Variants in CDKAL1 observed in about 807,000 individuals in gnomAD.
The protein encoded by CDKAL1 is CDKAL1 threonylcarbamoyladenosine tRNA methylthiotransferase.
In CDKAL1, 32 loss-of-function variants were observed where a neutral mutation model predicts 68.2. The observed-to-expected ratio is 0.47, with a 90% CI of 0.35 to 0.63. The LOEUF (loss-of-function observed/expected upper bound fraction) is 0.63. Among genes scored for constraint, CDKAL1 ranks in the 30% least tolerant of loss-of-function variants. The probability of loss-of-function intolerance (pLI) is 0.00; values close to 1 mark genes in which losing one functional copy is unlikely to be tolerated. For synonymous variants in CDKAL1, 234 were observed against 244.3 expected (o/e 0.96, Z 0.39); for missense variants, 606 against 696.7 (o/e 0.87, Z 1.47).
At chr6:21,122,582 T>C (rs2151010159) in intron 13 of CDKAL1, among the ~76,000 whole-genome samples, 1 of 152,120 alleles carries the variant, frequency 6.6e-6, no homozygotes, top group African/African-American at 2.4e-5. Flanking sequence ...GTTTTCAACC[T>C]TTGAGAATGT....
intron 13 of CDKAL1, among the ~76,000 whole-genome samples, chr6:21,135,064 G>A (rs1048623092): frequency 1.3e-5 from 2 of 152,130 alleles, no homozygotes; most frequent in Non-Finnish European, 2.9e-5. Flanking sequence ...TACTGATGTA[G>A]TTCTAGGAAT....
At chr6:20,799,069 T>TTTTTTTA (rs70990069) in intron 8 of CDKAL1, among the ~76,000 whole-genome samples, 4 of 140,310 alleles carry the variant, frequency 2.9e-5, no homozygotes, top group Non-Finnish European at 6.1e-5. Flanking sequence ...TTTTTTTTTT[T>TTTTTTTA]GAGACGGAGT....
At chr6:20,931,022 C>T (rs999303343) in intron 9 of CDKAL1, among the ~76,000 whole-genome samples, 2 of 152,116 alleles carry the variant, frequency 1.3e-5, no homozygotes, top group Non-Finnish European at 2.9e-5. Context: ...GGATTACAGG[C>T]GTGAGCCACC....
intron 6 of CDKAL1, among the ~76,000 whole-genome samples, chr6:20,745,229 G>A (rs537695563): frequency 6.6e-6 from 1 of 152,272 alleles, no homozygotes; most frequent in South Asian, 2.1e-4. Flanking sequence ...TTTCAAATGC[G>A]AGCACTTTAA....
At chr6:20,716,705 G>A (rs1388615791) in intron 5 of CDKAL1, among the ~76,000 whole-genome samples, 1 of 151,752 alleles carries the variant, frequency 6.6e-6, no homozygotes, top group Admixed American at 6.6e-5. Context: ...GGAATGAGAA[G>A]TCAAGAAGAA....
chr6:21,128,840 A>G (rs1028584088), intron 13 of CDKAL1, among the ~76,000 whole-genome samples: 2 of 152,200 alleles, frequency 1.3e-5, no homozygotes, highest in African/African-American at 4.8e-5. Context: ...TATTCCATCA[A>G]TCTTTCTGTT....
At chr6:20,991,952 A>G (rs1330153479) in intron 10 of CDKAL1, among the ~76,000 whole-genome samples, 15 of 150,738 alleles carry the variant, frequency 1.0e-4, no homozygotes, top group Non-Finnish European at 1.8e-4. Context: ...ATTATCATTA[A>G]TAGTCACATT....
Position 20,613,249 on chromosome 6 carries a change from C to CTTTTTTTTTTTTTTTTTTTT in CDKAL1, c.287-36020_287-36001dup, listed in dbSNP as rs71559677. ...TATCAGTTCATCACAAAATTTCTTT[C>CTTTTTTTTTTTTTTTTTTTT]TTTTTTTTTTTTTTTTTTTTTTTTT... On this transcript the variant is annotated intron_variant, in intron 4 of 15. Coordinates refer to ENST00000274695, the MANE Select transcript of CDKAL1 (RefSeq NM_017774.3). Among the ~76,000 whole-genome samples, 4 of 77,862 alleles carry CTTTTTTTTTTTTTTTTTTTT rather than the reference C, an allele frequency of 5.1e-5. 2 individuals are homozygous for CTTTTTTTTTTTTTTTTTTTT. The highest frequency in any genetic ancestry group is 9.8e-5 in the Non-Finnish European group (4 of 40,834). 51.1% of individuals were successfully genotyped at this position (77,862 alleles called of 152,430 possible). A position where few individuals can be genotyped will look rare whatever the true frequency, so the allele number is the denominator to read the frequency against.
rs75705389 is a variant in CDKAL1 at position 20,678,533 on chromosome 6, A to G, written c.371+29156A>G. ...TAAGGCTTCACTTAATGTCCTGGAT[A>G]GATTCTTGGAAACACAGTTTTAAGT... On this transcript the variant is annotated intron_variant, in intron 5 of 15. Coordinates refer to ENST00000274695, the MANE Select transcript of CDKAL1 (RefSeq NM_017774.3). 1.9e-3 allele frequency among the ~76,000 whole-genome samples: 296 copies of G among 152,316 alleles called. 1 individual carries two copies. Among genetic ancestry groups the G allele is most frequent in the African/African-American group, 6.8e-3 (281 of 41,570 alleles).
At chr6:21,197,870 G>A (rs1003517243) in intron 13 of CDKAL1, 151 bp from the exon 14 acceptor site, 7 of 437,934 alleles carry the variant, frequency 1.6e-5, no homozygotes, top group African/African-American at 4.1e-5. Flanking sequence ...AACAGGGTTC[G>A]CTGTTAAATA....
chr6:20,836,581 G>A (rs985505774), intron 8 of CDKAL1, among the ~76,000 whole-genome samples: 5 of 152,070 alleles, frequency 3.3e-5, no homozygotes, highest in Non-Finnish European at 7.4e-5. Context: ...GTTCTTTAAT[G>A]TTCTTATTTA....
chr6:21,036,239 T>C (rs1202713205), intron 11 of CDKAL1, among the ~76,000 whole-genome samples: 1 of 152,158 alleles, frequency 6.6e-6, no homozygotes, highest in Non-Finnish European at 1.5e-5. Flanking sequence ...TTCATGTAAC[T>C]TCAGGTTGAA....
intron 9 of CDKAL1, among the ~76,000 whole-genome samples, chr6:20,887,788 AGTT>A (rs1479788826): frequency 1.4e-5 from 2 of 147,940 alleles, no homozygotes; most frequent in African/African-American, 2.5e-5. Flanking sequence ...CTTTTTTTGT[AGTT>A]GTTGTTTTAA....
intron 13 of CDKAL1, among the ~76,000 whole-genome samples, chr6:21,135,441 G>A (rs1293741175): frequency 6.6e-6 from 1 of 152,108 alleles, no homozygotes. Context: ...GAGTATGCAG[G>A]ATGATAGGTT....
rs1307228981 is a variant in CDKAL1 at position 21,201,035 on chromosome 6, T to C, written c.1384-75T>C. 84 of 1,344,022 alleles carry C rather than the reference T, an allele frequency of 6.2e-5. 1 individual carries two copies. The South Asian group carries it at 1.2e-3, about 19-fold the overall frequency. 83.3% of individuals were successfully genotyped at this position (1,344,022 alleles called of 1,614,324 possible). The stretch of plus-strand genomic sequence containing the variant: ...CTCTCCATACTATCTTTGCAATAAT[T>C]CTATAAATCTGAAACTGTTCTAAAG... On this transcript the variant is annotated intron_variant, in intron 14 of 15. Coordinates refer to ENST00000274695, the MANE Select transcript of CDKAL1 (RefSeq NM_017774.3).
At chr6:20,808,191 C>A (rs1443714826) in intron 8 of CDKAL1, among the ~76,000 whole-genome samples, 1 of 151,590 alleles carries the variant, frequency 6.6e-6, no homozygotes, top group Non-Finnish European at 1.5e-5. Flanking sequence ...ACCTTTGAAC[C>A]CAAATTAAGT....
At chr6:21,185,120 T>C (rs1442188084) in intron 13 of CDKAL1, among the ~76,000 whole-genome samples, 1 of 152,114 alleles carries the variant, frequency 6.6e-6, no homozygotes, top group Non-Finnish European at 1.5e-5. Flanking sequence ...CAGTGGTTCC[T>C]ATCTACATCT....
In CDKAL1 at chr6:20,960,887, T is replaced by C. The variant is rs537882740; in HGVS notation, c.909+5302T>C. Among the ~76,000 whole-genome samples, 14 of 152,352 alleles carry C rather than the reference T, an allele frequency of 9.2e-5. 1 individual carries two copies. The East Asian group carries it at 2.7e-3, about 29-fold the overall frequency. ...GCGATAGATAGTATCTTTAGGGCTG[T>C]CTAGAACAAATGAGCTTATTGTATG... On this transcript the variant is annotated intron_variant, in intron 10 of 15. Coordinates refer to ENST00000274695, the MANE Select transcript of CDKAL1 (RefSeq NM_017774.3).
intron 4 of CDKAL1, among the ~76,000 whole-genome samples, chr6:20,638,275 T>A (rs1767995448): frequency 1.3e-5 from 2 of 152,242 alleles, no homozygotes; most frequent in African/African-American, 4.8e-5. Flanking sequence ...AGTGCAGTTT[T>A]AGTTTTCATT....
Sources: allele counts gnomAD v4.1 joint callset (sites outside exome capture counted in the v4.1 genomes callset), GRCh38; gene constraint gnomAD v4.1.1; transcripts MANE v1.5; gene names NCBI Gene and HGNC (gene_info 2026-07-23, HGNC 2026-07-21).